XKR6: variants seen among roughly 807,000 people sequenced by gnomAD.
The protein encoded by XKR6 is XK related 6.
XKR6 carries 22 observed loss-of-function variants against 56.7 expected under a neutral mutation model. That is an observed-to-expected ratio of 0.39 (90% CI 0.28 to 0.55). The LOEUF is 0.55. XKR6 is among the 20% of genes least tolerant of loss of function. The pLI is 0.66. For missense variants in XKR6, 852 were observed against 889.0 expected, an observed-to-expected ratio of 0.96 and a Z score of 0.53; for synonymous variants, 524 against 387.8, an observed-to-expected ratio of 1.35 and a Z score of -4.13.
rs1000972073 is a variant in XKR6, at chr8:10,930,013, G to A, written c.765-5183C>T. Among the ~76,000 whole-genome samples the A allele has an allele frequency of 6.3e-4, 96 of 152,138 alleles. 2 individuals are homozygous for A. Among genetic ancestry groups the A allele is most frequent in the Non-Finnish European group, 1.0e-3 (71 of 68,036 alleles). Reference sequence around the variant, plus strand: ...GTCATCTTCTTTTTCCTGCTGGCTCGTCTGAGGCTCAGAAAGACTAAGTGA... The same window carrying A: ...GTCATCTTCTTTTTCCTGCTGGCTCATCTGAGGCTCAGAAAGACTAAGTGA... On this transcript the variant is annotated intron_variant, in intron 1 of 2. Transcript: ENST00000416569.
At chr8:11,105,494 C>A (rs1462585894) in intron 1 of XKR6, 1 of 152,234 alleles carries the variant, frequency 6.6e-6, no homozygotes, top group African/African-American at 2.4e-5. Context: ...ACCGTCACCA[C>A]TGCTGAGTCA....
intron 1 of XKR6, among the ~76,000 whole-genome samples, chr8:11,132,071 C>T (rs535524709): frequency 2.2e-4 from 34 of 152,272 alleles, no homozygotes; most frequent in South Asian, 2.1e-3. Flanking sequence ...AACTTCAGCA[C>T]TGCTGCACTC....
At chr8:10,982,620 G>A (rs762940840) in intron 1 of XKR6, among the ~76,000 whole-genome samples, 10 of 152,192 alleles carry the variant, frequency 6.6e-5, no homozygotes, top group South Asian at 2.1e-4. Flanking sequence ...TGAGAAGTCC[G>A]GGAGATATCT....
intron 1 of XKR6, among the ~76,000 whole-genome samples, chr8:11,180,874 T>G (rs1802937017): frequency 6.6e-6 from 1 of 152,198 alleles, no homozygotes; most frequent in Non-Finnish European, 1.5e-5. Context: ...GTTATTGCAC[T>G]ACAGCCTGAG....
intron 1 of XKR6, among the ~76,000 whole-genome samples, chr8:11,002,974 G>C (rs1183461308): frequency 2.0e-5 from 3 of 152,068 alleles, no homozygotes; most frequent in Non-Finnish European, 4.4e-5. Context: ...CCCAGAGAAG[G>C]GGGGTCACTG....
chr8:10,960,228 GGGTACAGGTATAGCAGGTA>G (rs1243394611), intron 1 of XKR6, among the ~76,000 whole-genome samples: 2 of 151,238 alleles, frequency 1.3e-5, no homozygotes, highest in African/African-American at 4.9e-5. Context: ...TATAGCAGGT[GGGTACAGGTATAGCAGGTA>G]GGTGCAGGTA....
intron 1 of XKR6, among the ~76,000 whole-genome samples, chr8:11,024,252 T>TGA (rs1554525995): frequency 7.0e-6 from 1 of 143,750 alleles, no homozygotes; most frequent in Admixed American, 6.9e-5. Context: ...TGTGTGTGTG[T>TGA]GATTCTCCAT....
intron 1 of XKR6, among the ~76,000 whole-genome samples, chr8:10,946,696 G>A (rs78550065): frequency 0.032 from 4,870 of 152,154 alleles, 286 homozygotes; most frequent in African/African-American, 0.11. Context: ...AGCTCCTACT[G>A]CATGCCAGGC....
At chr8:10,901,279 C>T (rs1177411214) in intron 2 of XKR6, among the ~76,000 whole-genome samples, 1 of 152,120 alleles carries the variant, frequency 6.6e-6, no homozygotes, top group African/African-American at 2.4e-5. Flanking sequence ...TGGTCTTGAA[C>T]TCCTGACCTC....
At chr8:11,015,823 C>G (rs992696051) in intron 1 of XKR6, among the ~76,000 whole-genome samples, 2 of 152,158 alleles carry the variant, frequency 1.3e-5, no homozygotes, top group African/African-American at 4.8e-5. Flanking sequence ...CTCGGCGTAT[C>G]TAGAGCAGTC....
At chr8:11,078,684 C>G (rs1212693513) in intron 1 of XKR6, among the ~76,000 whole-genome samples, 1 of 152,194 alleles carries the variant, frequency 6.6e-6, no homozygotes, top group Non-Finnish European at 1.5e-5. Flanking sequence ...AGCACGAAGG[C>G]TGGGCTCAGC....
At chr8:11,146,721 T>C (rs1801005117) in intron 1 of XKR6, among the ~76,000 whole-genome samples, 1 of 151,206 alleles carries the variant, frequency 6.6e-6, no homozygotes, top group African/African-American at 2.4e-5. Flanking sequence ...GGAAATAATC[T>C]CAATGTCCAT....
intron 1 of XKR6, among the ~76,000 whole-genome samples, chr8:10,999,070 C>T (rs1253058016): frequency 6.6e-6 from 1 of 152,194 alleles, no homozygotes; most frequent in Non-Finnish European, 1.5e-5. Flanking sequence ...GAAATTCTTA[C>T]AAAAACGTTT....
intron 1 of XKR6, among the ~76,000 whole-genome samples, chr8:11,072,536 T>C (rs1271289909): frequency 6.6e-6 from 1 of 152,176 alleles, no homozygotes; most frequent in African/African-American, 2.4e-5. Context: ...CCCAAGGTCA[T>C]GCATCTTGCA....
intron 1 of XKR6, among the ~76,000 whole-genome samples, chr8:10,934,608 AG>A (rs1388863045): frequency 8.9e-6 from 1 of 112,790 alleles, no homozygotes; most frequent in East Asian, 2.2e-4. Flanking sequence ...TTTAGCATGA[AG>A]GGTTGTTGAA....
At position 10,924,572 on chromosome 8, in the gene XKR6, C is replaced by T. The variant is rs150231499; in HGVS notation, c.961+62G>A. 2.0e-3 allele frequency: 3,044 copies of T among 1,545,036 alleles called. 5 individuals carry two copies. The highest frequency in any genetic ancestry group is 2.3e-3 in the Non-Finnish European group (2,632 of 1,142,116). ...TGCCAGGCACGAAGTGTGTGGGAGG[C>T]GGCCGTGGTCCCCAGGTGGAGGGCA... On this transcript the variant is annotated intron_variant, in intron 2 of 2. Transcript: ENST00000416569.
intron 1 of XKR6, among the ~76,000 whole-genome samples, chr8:11,160,926 A>AAG (rs1554475339): frequency 4.6e-5 from 7 of 151,366 alleles, no homozygotes; most frequent in South Asian, 2.1e-4. Context: ...AAAAAAAAAA[A>AAG]AAAAAGAAAA....
At chr8:11,191,854 A>G (rs1007550101) in intron 1 of XKR6, among the ~76,000 whole-genome samples, 1 of 152,182 alleles carries the variant, frequency 6.6e-6, no homozygotes, top group Non-Finnish European at 1.5e-5. Flanking sequence ...CAGCTATTAG[A>G]TGATTTTACG....
At chr8:10,957,388 C>A (rs939493384) in intron 1 of XKR6, among the ~76,000 whole-genome samples, 1 of 152,198 alleles carries the variant, frequency 6.6e-6, no homozygotes, top group Non-Finnish European at 1.5e-5. Context: ...ACCATTGGAA[C>A]ACCCCATTCC....
Sources: gnomAD v4.1 joint callset for allele counts (sites outside exome capture counted in the v4.1 genomes callset) on GRCh38, gnomAD v4.1.1 for gene constraint, MANE v1.5 for transcripts, NCBI Gene and HGNC (gene_info 2026-07-23, HGNC 2026-07-21) for gene names.